PRELID2: variants seen among roughly 807,000 people sequenced by gnomAD.
The protein encoded by PRELID2 is PRELI domain-containing protein 2.
PRELID2 carries 25 observed loss-of-function variants against 28.4 expected under a neutral mutation model. The observed-to-expected ratio is 0.88, with a 90% CI of 0.64 to 1.23. The LOEUF (loss-of-function observed/expected upper bound fraction) is 1.23, where lower values mean the gene tolerates loss of function less well. PRELID2 is among the 50% of genes most tolerant of loss of function. The pLI is 0.00. For missense variants in PRELID2, 201 were observed against 214.4 expected, an observed-to-expected ratio of 0.94 and a Z score of 0.39; for synonymous variants, 76 against 71.6, an observed-to-expected ratio of 1.06 and a Z score of -0.31.
At chr5:145,552,081 A>T (rs1248308909) in intron 1 of PRELID2, among the ~76,000 whole-genome samples, 1 of 152,182 alleles carries the variant, frequency 6.6e-6, no homozygotes, top group Admixed American at 6.5e-5. Context: ...CAAAGATCAG[A>T]ATGATAAGAA....
chr5:145,256,777 G>T, the PRELID2 span, among the ~76,000 whole-genome samples: 1 of 151,926 alleles, frequency 6.6e-6, no homozygotes, highest in African/African-American at 2.4e-5. Flanking sequence ...GAAAAAAGAA[G>T]AATGTCAGCA....
the PRELID2 span, among the ~76,000 whole-genome samples, chr5:145,306,565 A>C: frequency 2.6e-5 from 4 of 152,070 alleles, no homozygotes; most frequent in Non-Finnish European, 5.9e-5. Context: ...ATTCTGTTAC[A>C]TTTATTTTAA....
chr5:145,459,969 C>A, the PRELID2 span, among the ~76,000 whole-genome samples: 15 of 152,076 alleles, frequency 9.9e-5, no homozygotes, highest in Non-Finnish European at 1.6e-4. Context: ...TGCCACCACT[C>A]CCAGCTAATT....
At chr5:145,517,752 C>A (rs773469748) in intron 1 of PRELID2, among the ~76,000 whole-genome samples, 65 of 152,250 alleles carry the variant, frequency 4.3e-4, no homozygotes, top group Non-Finnish European at 6.8e-4. Context: ...AAATGCCCAT[C>A]AGTAATAGAC....
the PRELID2 span, among the ~76,000 whole-genome samples, chr5:145,241,641 C>T: frequency 1.3e-5 from 2 of 151,878 alleles, no homozygotes; most frequent in Admixed American, 6.6e-5. Context: ...AAAATCTACA[C>T]CTTGATAATA....
chr5:145,724,593 G>GTAAATAAATAAA (rs1262175009), intron 1 of PRELID2, among the ~76,000 whole-genome samples: 9 of 13,126 alleles, frequency 6.9e-4, no homozygotes, highest in African/African-American at 1.9e-3. Context: ...ATAACAAGAA[G>GTAAATAAATAAA]TAAATAAATA....
In PRELID2 at chr5:145,604,882, C is replaced by CATATATATATATATATATATATAT. The variant is rs35401852; in HGVS notation, n.71-131568_71-131567insATATATATATATATATATATATAT. On this transcript the variant is annotated intron_variant and non_coding_transcript_variant, in intron 1 of 2. Coordinates refer to the PRELID2 transcript ENST00000510259. Reference sequence around the variant, plus strand: ...ACCATATTTTAATATGCTTGTTGGCCATATATATATATATATATATATTCT... The same window carrying CATATATATATATATATATATATAT: ...ACCATATTTTAATATGCTTGTTGGCCATATATATATATATATATATATATATATATATATATATATATATATTCT... 3.5e-3 allele frequency among the ~76,000 whole-genome samples: 406 copies of CATATATATATATATATATATATAT among 115,848 alleles called. 4 individuals carry two copies. The highest frequency in any genetic ancestry group is 9.3e-3 in the African/African-American group (244 of 26,154). 76.0% of individuals were successfully genotyped at this position (115,848 alleles called of 152,430 possible).
chr5:145,797,361 C>A (rs369622949), intron 4 of PRELID2, among the ~76,000 whole-genome samples: 4 of 152,088 alleles, frequency 2.6e-5, no homozygotes, highest in Non-Finnish European at 5.9e-5. Flanking sequence ...TTGCTTTTAC[C>A]TATGATAGCT....
intron 5 of PRELID2, among the ~76,000 whole-genome samples, chr5:145,766,832 T>C (rs551368421): frequency 1.2e-4 from 18 of 152,216 alleles, no homozygotes; most frequent in African/African-American, 4.3e-4. Context: ...TAGTGCTTTC[T>C]ATACCCAGTT....
At chr5:145,625,566 C>T (rs1366346456) in intron 1 of PRELID2, among the ~76,000 whole-genome samples, 1 of 152,074 alleles carries the variant, frequency 6.6e-6, no homozygotes, top group East Asian at 1.9e-4. Flanking sequence ...AAAAATCCAA[C>T]ATCTTTTGTT....
chr5:145,252,513 C>T, the PRELID2 span, among the ~76,000 whole-genome samples: 1 of 152,022 alleles, frequency 6.6e-6, no homozygotes, highest in Non-Finnish European at 1.5e-5. Flanking sequence ...TAGATAATGC[C>T]TTTGAAGTGC....
chr5:145,639,149 G>T (rs547390389), intron 1 of PRELID2, among the ~76,000 whole-genome samples: 2 of 152,270 alleles, frequency 1.3e-5, no homozygotes, highest in Non-Finnish European at 1.5e-5. Flanking sequence ...CTACAGAGCA[G>T]GTTTCAAACT....
downstream of PRELID2, chr5:145,754,480 T>C (rs1256735530): frequency 2.0e-5 from 3 of 152,222 alleles, no homozygotes; most frequent in Admixed American, 1.3e-4. Flanking sequence ...CTTTTAAAAA[T>C]TCATGGAAAA....
intron 4 of PRELID2, among the ~76,000 whole-genome samples, chr5:145,803,998 C>A (rs958760798): frequency 3.3e-5 from 5 of 152,150 alleles, no homozygotes; most frequent in African/African-American, 1.2e-4. Flanking sequence ...AAACATTCTA[C>A]CATCCTTCTC....
the PRELID2 span, among the ~76,000 whole-genome samples, chr5:145,308,866 C>T: frequency 6.6e-6 from 1 of 152,106 alleles, no homozygotes; most frequent in African/African-American, 2.4e-5. Flanking sequence ...GACCTTGATG[C>T]TATCAACATT....
the PRELID2 span, among the ~76,000 whole-genome samples, chr5:145,333,416 T>C: frequency 6.6e-6 from 1 of 152,326 alleles, no homozygotes; most frequent in South Asian, 2.1e-4. Flanking sequence ...ATGGGAGTTT[T>C]ATCTATAAGC....
intron 1 of PRELID2, among the ~76,000 whole-genome samples, chr5:145,498,047 C>T (rs930756956): frequency 6.6e-6 from 1 of 152,198 alleles, no homozygotes; most frequent in African/African-American, 2.4e-5. Context: ...GTGGGCACCA[C>T]TGATAACTCT....
chr5:145,723,790 C>T (rs1199851042), intron 1 of PRELID2, among the ~76,000 whole-genome samples: 1 of 152,158 alleles, frequency 6.6e-6, no homozygotes, highest in Non-Finnish European at 1.5e-5. Context: ...TTGGCAATCT[C>T]TAACAAATTG....
chr5:145,335,333 TTGTA>T, the PRELID2 span, among the ~76,000 whole-genome samples: 19 of 152,162 alleles, frequency 1.2e-4, no homozygotes, highest in African/African-American at 4.6e-4. Flanking sequence ...TTATATCTCT[TTGTA>T]TAACTTCTAA....
Sources: allele counts gnomAD v4.1 joint callset (sites outside exome capture counted in the v4.1 genomes callset), GRCh38; gene constraint gnomAD v4.1.1; transcripts MANE v1.5; gene names NCBI Gene and HGNC (gene_info 2026-07-23, HGNC 2026-07-21).